The following ANO1 variants were observed in gnomAD, a reference collection of about 807,000 sequenced individuals.
The protein encoded by ANO1 is anoctamin-1.
In ANO1, 59 loss-of-function variants were observed where a neutral mutation model predicts 124.0. The ratio of observed to expected loss-of-function variants is 0.48; its 90% confidence interval spans 0.39 to 0.59. The LOEUF (loss-of-function observed/expected upper bound fraction) is 0.59. Among genes scored for constraint, ANO1 ranks in the 20% least tolerant of loss-of-function variants. The pLI is 0.00. For synonymous variants in ANO1, 529 were observed against 532.0 expected, an observed-to-expected ratio of 0.99 and a Z score of 0.08; for missense variants, 1,059 against 1,328.0, an observed-to-expected ratio of 0.80 and a Z score of 3.15.
At chr11:70,142,059 G>C (rs1019220917) in intron 11 of ANO1, among the ~76,000 whole-genome samples, 1 of 152,222 alleles carries the variant, frequency 6.6e-6, no homozygotes, top group African/African-American at 2.4e-5. Context: ...GCTTGCTGCT[G>C]TCTGGAATTT....
Position 70,037,096 on chromosome 11 carries a change from TC to T in ANO1, c.59-41445del, listed in dbSNP as rs782632241. ...ATCTGTCGGCCTTTAGTGCCATCCATCTTCCCTAACACAGAAGTCCCTGCCT... is the reference window on the plus strand; with the variant it reads ...ATCTGTCGGCCTTTAGTGCCATCCATTTCCCTAACACAGAAGTCCCTGCCT... On this transcript the variant is annotated intron_variant, in intron 1 of 27. Transcript: ENST00000531349. Among the ~76,000 whole-genome samples the T allele has an allele frequency of 3.2e-4, 49 of 152,302 alleles. 1 individual carries two copies. The East Asian group carries it at 7.6e-3, about 24-fold the overall frequency.
intron 7 of ANO1, among the ~76,000 whole-genome samples, chr11:70,113,586 A>G (rs941532536): frequency 9.9e-5 from 15 of 152,112 alleles, no homozygotes; most frequent in Admixed American, 7.9e-4. Flanking sequence ...GGCACAGCCC[A>G]TGATCCCAAG....
At chr11:69,966,835 C>T in the ANO1 span, among the ~76,000 whole-genome samples, 1 of 152,290 alleles carries the variant, frequency 6.6e-6, no homozygotes, top group Admixed American at 6.5e-5. Flanking sequence ...AGAGAGGTGC[C>T]CCCAAGGTGG....
At chr11:70,066,485 A>G (rs1202584370) in intron 1 of ANO1, among the ~76,000 whole-genome samples, 1 of 152,204 alleles carries the variant, frequency 6.6e-6, no homozygotes, top group African/African-American at 2.4e-5. Flanking sequence ...GGCACCCATC[A>G]TCAGTCTCTA....
intron 1 of ANO1, among the ~76,000 whole-genome samples, chr11:70,002,372 G>T (rs1554999419): frequency 1.4e-5 from 2 of 148,122 alleles, no homozygotes; most frequent in African/African-American, 5.0e-5. Flanking sequence ...GCTGAGGCAG[G>T]AGAATTGCTT....
intron 19 of ANO1, among the ~76,000 whole-genome samples, chr11:70,164,909 C>G (rs1565268071): frequency 1.3e-5 from 2 of 152,158 alleles, no homozygotes; most frequent in African/African-American, 2.4e-5. Flanking sequence ...GTGCGCTCCC[C>G]GCTCCCATCC....
Position 70,078,464 on chromosome 11 carries a change from A to G in ANO1, c.-143A>G, listed in dbSNP as rs1373000321. 1.0e-5 allele frequency: 2 copies of G among 193,512 alleles called. No homozygotes were observed. Among genetic ancestry groups the G allele is most frequent in the Non-Finnish European group, 9.2e-6 (1 of 108,650 alleles). The allele number at this position is 193,512 out of a possible 1,614,324, so 12.0% of individuals were successfully genotyped here. On this transcript the variant is annotated 5_prime_UTR_variant, in exon 1 of 26. Coordinates refer to ENST00000355303, the MANE Select transcript of ANO1 (RefSeq NM_018043.7). The stretch of plus-strand genomic sequence containing the variant: ...GCGGCGGGCGGAGCGGGAGGCGGCC[A>G]CGTCCCCGGCGGGCCTGGGCGCGGG...
At chr11:70,110,184 CTTTTTTTTTT>C (rs923690897) in intron 6 of ANO1, among the ~76,000 whole-genome samples, 140 of 118,064 alleles carry the variant, frequency 1.2e-3, no homozygotes, top group African/African-American at 4.2e-3. Flanking sequence ...TGTTCACTTT[CTTTTTTTTTT>C]TTTTTTTTTT....
intron 11 of ANO1, among the ~76,000 whole-genome samples, chr11:70,143,973 G>A (rs1424247597): frequency 6.6e-6 from 1 of 152,058 alleles, no homozygotes; most frequent in Non-Finnish European, 1.5e-5. Context: ...TCCCCATGAA[G>A]CAGTCGGTCC....
In ANO1 at chr11:70,185,639, T is replaced by G. The variant is rs781698527; in HGVS notation, c.2638T>G (p.Ser880Ala). The G allele has an allele frequency of 6.2e-7, 1 of 1,613,916 alleles. No individual in the cohort carries two copies. Among genetic ancestry groups the G allele is most frequent in the South Asian group, 1.1e-5 (1 of 91,064 alleles). The part of the protein sequence containing the change: ...PPWSENKYDI[S>A]KDFWAVLAAR... ...GTGGTCGGAAAACAAGTACGACATCTCCAAGGACTTCTGGGCCGTCCTGGC... is the reference window on the plus strand; with the variant it reads ...GTGGTCGGAAAACAAGTACGACATCGCCAAGGACTTCTGGGCCGTCCTGGC... Residue 880 changes from serine to alanine, a missense_variant, in exon 25 of 26, where the codon TCC becomes GCC. Around this residue, in one of 2 missense-constraint regions of ANO1, gnomAD observed 809 missense variants for 1,094.9 expected, o/e 0.74. Transcript: ENST00000355303.
chr11:70,182,584 G>A lies in ANO1; in HGVS notation c.2486G>A (p.Gly829Asp). ...TACAGTAAGAACGGGACCATGCACG[G>A]CTTCGTCAACCACACCCTCTCCTCC... ...YMYSKNGTMH[G>D]FVNHTLSSFN... Residue 829 changes from glycine to aspartate, a missense_variant, in exon 24 of 26, where the codon GGC (glycine) becomes GAC (aspartate). By Grantham distance (94) the Gly-to-Asp change is moderately conservative (BLOSUM62 -1). Coordinates refer to ENST00000355303, the MANE Select transcript of ANO1 (RefSeq NM_018043.7). 1 of 1,613,638 alleles carries A rather than the reference G, an allele frequency of 6.2e-7. No homozygotes were observed. Among genetic ancestry groups the A allele is most frequent in the South Asian group, 1.1e-5 (1 of 91,064 alleles).
At chr11:69,998,196 T>C (rs1554998687) in intron 1 of ANO1, among the ~76,000 whole-genome samples, 2 of 152,168 alleles carry the variant, frequency 1.3e-5, no homozygotes, top group African/African-American at 4.8e-5. Context: ...TTACATACAG[T>C]AAAATGTCCA....
intron 1 of ANO1, among the ~76,000 whole-genome samples, chr11:70,020,016 C>T (rs902879): frequency 0.71 from 107,692 of 152,008 alleles, 38,558 homozygotes; most frequent in East Asian, 0.94. Flanking sequence ...AGGCTTCCCC[C>T]GGACCCTCCA....
intron 5 of ANO1, among the ~76,000 whole-genome samples, chr11:70,107,595 G>A (rs528841202): frequency 2.0e-5 from 3 of 151,712 alleles, no homozygotes; most frequent in Non-Finnish European, 2.9e-5. Flanking sequence ...TGAAATGCAC[G>A]TCTGCATAGC....
At position 70,110,867 on chromosome 11, in the gene ANO1, G is replaced by C. The variant is rs946492469; in HGVS notation, c.800-840G>C. ...TCCCCACACATGGCCCTGGCTTTCC[G>C]GTCCTCTCTCGCAGTCTCCTGGGGC... is the stretch of plus-strand genomic sequence containing the variant. On this transcript the variant is annotated intron_variant, in intron 6 of 25. Transcript: ENST00000355303. Among the ~76,000 whole-genome samples, 4 of 152,354 alleles carry C rather than the reference G, an allele frequency of 2.6e-5. No individual in the cohort carries two copies. In the South Asian group the frequency reaches 8.3e-4, roughly 32 times the overall value.
chr11:70,121,353 C>T (rs1350315737), intron 8 of ANO1, among the ~76,000 whole-genome samples: 2 of 151,276 alleles, frequency 1.3e-5, no homozygotes, highest in East Asian at 1.9e-4. Context: ...CCCCACCTCT[C>T]TCTGTCTGTC....
At chr11:70,115,479 G>C (rs1424669245) in intron 7 of ANO1, among the ~76,000 whole-genome samples, 2 of 152,144 alleles carry the variant, frequency 1.3e-5, no homozygotes, top group African/African-American at 4.8e-5. Context: ...CGGGTGTGGT[G>C]GTGGGCACCC....
intron 1 of ANO1, among the ~76,000 whole-genome samples, chr11:70,026,318 T>TTGA (rs1398383601): frequency 3.2e-5 from 4 of 126,272 alleles, no homozygotes; most frequent in African/African-American, 9.5e-5. Context: ...AATGATGGCA[T>TTGA]TGATGATGGT....
intron 1 of ANO1, among the ~76,000 whole-genome samples, chr11:70,062,337 G>A (rs890579815): frequency 4.6e-5 from 7 of 152,152 alleles, no homozygotes; most frequent in South Asian, 2.1e-4. Context: ...TCGGCCTCCC[G>A]CAGTGCTGGG....
Sources: allele counts gnomAD v4.1 joint callset (sites outside exome capture counted in the v4.1 genomes callset), GRCh38; gene constraint gnomAD v4.1.1; regional missense constraint gnomAD v4.1.1; transcripts MANE v1.5; gene names NCBI Gene and HGNC (gene_info 2026-07-23, HGNC 2026-07-21).